The following HS3ST3A1 variants were observed in gnomAD, a reference collection of about 807,000 sequenced individuals.
The protein encoded by HS3ST3A1 is heparan sulfate-glucosamine 3-sulfotransferase 3A1.
A neutral mutation model predicts 25.7 loss-of-function variants in HS3ST3A1; 19 were observed. The observed-to-expected ratio is 0.74, with a 90% CI of 0.52 to 1.08. The LOEUF (loss-of-function observed/expected upper bound fraction) is 1.08, where lower values mean the gene tolerates loss of function less well. Among genes scored for constraint, HS3ST3A1 ranks in the 50% least tolerant of loss-of-function variants. HS3ST3A1 has a pLI of 0.00. For synonymous variants in HS3ST3A1, 226 were observed against 278.6 expected (o/e 0.81, Z 1.88); for missense variants, 459 against 594.3 (o/e 0.77, Z 2.37).
chr17:13,537,454 T>C (rs926665023), intron 1 of HS3ST3A1, among the ~76,000 whole-genome samples: 1 of 152,176 alleles, frequency 6.6e-6, no homozygotes, highest in South Asian at 2.1e-4. Flanking sequence ...GGGGGCCGCC[T>C]CCCTCTTGTC....
chr17:13,596,655 A>C (rs184399370), intron 1 of HS3ST3A1, among the ~76,000 whole-genome samples: 44 of 152,182 alleles, frequency 2.9e-4, no homozygotes, highest in African/African-American at 1.0e-3. Context: ...GCCCTCATCT[A>C]TTCCCAATGT....
intron 1 of HS3ST3A1, among the ~76,000 whole-genome samples, chr17:13,570,033 GC>G (rs1907762609): frequency 6.6e-6 from 1 of 152,200 alleles, no homozygotes; most frequent in South Asian, 2.1e-4. Flanking sequence ...ATGGGAGTTA[GC>G]TGGTTAACAA....
At chr17:13,500,603 C>G (rs529096101) in intron 1 of HS3ST3A1, among the ~76,000 whole-genome samples, 122 of 152,232 alleles carry the variant, frequency 8.0e-4, no homozygotes, top group African/African-American at 2.3e-3. Context: ...TCTTTCCAAG[C>G]TAAGTAGTGT....
At chr17:13,524,522 A>G (rs1417149629) in intron 1 of HS3ST3A1, among the ~76,000 whole-genome samples, 3 of 152,262 alleles carry the variant, frequency 2.0e-5, no homozygotes, top group African/African-American at 7.2e-5. Context: ...TTGGGATTAC[A>G]GGTGTGCGCC....
At chr17:13,500,438 A>G (rs1444791285) in intron 1 of HS3ST3A1, among the ~76,000 whole-genome samples, 6 of 152,236 alleles carry the variant, frequency 3.9e-5, no homozygotes, top group Non-Finnish European at 8.8e-5. Context: ...CTATTACAGT[A>G]TTATAAAAGG....
At chr17:13,527,937 A>C (rs955250291) in intron 1 of HS3ST3A1, among the ~76,000 whole-genome samples, 5 of 152,182 alleles carry the variant, frequency 3.3e-5, no homozygotes, top group Non-Finnish European at 5.9e-5. Flanking sequence ...TGCAGATATC[A>C]CGATATCACT....
At position 13,557,799 on chromosome 17, in the gene HS3ST3A1, A is replaced by C. The variant is rs781475035; in HGVS notation, c.599+42732T>G. ...GGTTGAGATCAGAGAATGAAGCTCC[A>C]CAATGTAGGTCATTGAATGTTTTGG... is the stretch of plus-strand genomic sequence containing the variant. On this transcript the variant is annotated intron_variant, in intron 1 of 1. Transcript: ENST00000284110. Among the ~76,000 whole-genome samples the C allele has an allele frequency of 7.8e-4, 118 of 152,240 alleles. 1 individual carries two copies. Among genetic ancestry groups the C allele is most frequent in the Non-Finnish European group, 1.4e-3 (94 of 68,038 alleles).
chr17:13,496,319 T>A lies in HS3ST3A1; in HGVS notation c.1099A>T (p.Thr367Ser), dbSNP rs1215865399. 7.1e-6 allele frequency: 11 copies of A among 1,559,580 alleles called. No individual in the cohort carries two copies. Among genetic ancestry groups the A allele is most frequent in the African/African-American group, 1.4e-5 (1 of 71,870 alleles). Residue 367 changes from threonine to serine, a missense_variant, in exon 2 of 2, where the codon ACC (threonine) becomes TCC (serine). Physicochemically the swap from Thr to Ser is moderately conservative, Grantham distance 58. Around this residue, in one of 3 missense-constraint regions of HS3ST3A1, gnomAD observed 46 missense variants for 59.0 expected, o/e 0.78. Transcript: ENST00000284110. ...ATCTCAGGATGGGTCCTGCCCTTGG[T>A]CTTGCCCAGGCAATGGGGCCGGCTG... ...GSSRPHCLGK[T>S]KGRTHPEIDR...
intron 1 of HS3ST3A1, among the ~76,000 whole-genome samples, chr17:13,595,997 C>G (rs1489174510): frequency 6.6e-6 from 1 of 152,134 alleles, no homozygotes; most frequent in East Asian, 1.9e-4. Flanking sequence ...ATGACCCTGC[C>G]AAAATACAGA....
At chr17:13,595,797 G>T (rs1355817352) in intron 1 of HS3ST3A1, among the ~76,000 whole-genome samples, 1 of 152,160 alleles carries the variant, frequency 6.6e-6, no homozygotes, top group Admixed American at 6.5e-5. Flanking sequence ...GATGGTGATT[G>T]CAATTTGCAA....
intron 1 of HS3ST3A1, among the ~76,000 whole-genome samples, chr17:13,503,129 C>G (rs1402550401): frequency 7.5e-6 from 1 of 133,410 alleles, no homozygotes; most frequent in Non-Finnish European, 1.5e-5. Context: ...GAGCTGAGAT[C>G]AGGCCACTGC....
chr17:13,580,821 G>A (rs866439974), intron 1 of HS3ST3A1, among the ~76,000 whole-genome samples: 1 of 152,076 alleles, frequency 6.6e-6, no homozygotes, highest in Non-Finnish European at 1.5e-5. Flanking sequence ...AACCCAGGAG[G>A]CGGAGGTTGT....
intron 1 of HS3ST3A1, among the ~76,000 whole-genome samples, chr17:13,558,583 C>A (rs1014366009): frequency 6.6e-6 from 1 of 152,180 alleles, no homozygotes; most frequent in Non-Finnish European, 1.5e-5. Flanking sequence ...CTGACACAGG[C>A]ACATCTGCCT....
chr17:13,583,616 A>G (rs905862642), intron 1 of HS3ST3A1, among the ~76,000 whole-genome samples: 2 of 152,170 alleles, frequency 1.3e-5, no homozygotes, highest in Non-Finnish European at 2.9e-5. Context: ...TTTTTTTATC[A>G]AACTGGAAAA....
intron 1 of HS3ST3A1, among the ~76,000 whole-genome samples, chr17:13,559,928 T>G (rs1907482441): frequency 6.6e-6 from 1 of 152,076 alleles, no homozygotes; most frequent in Non-Finnish European, 1.5e-5. Flanking sequence ...TCTTGTTTTC[T>G]TAACAATTCT....
At chr17:13,559,718 G>A (rs889379494) in intron 1 of HS3ST3A1, among the ~76,000 whole-genome samples, 2 of 151,810 alleles carry the variant, frequency 1.3e-5, no homozygotes, top group Non-Finnish European at 2.9e-5. Context: ...CAAATTCAGT[G>A]AACAGCACTT....
At chr17:13,579,676 G>A (rs1908048055) in intron 1 of HS3ST3A1, among the ~76,000 whole-genome samples, 1 of 144,600 alleles carries the variant, frequency 6.9e-6, no homozygotes, top group African/African-American at 2.6e-5. Context: ...ATTCCAGCCT[G>A]GGTGACAGAG....
At position 13,572,646 on chromosome 17, in the gene HS3ST3A1, A is replaced by G. The variant is rs539128659; in HGVS notation, c.599+27885T>C. Among the ~76,000 whole-genome samples the G allele has an allele frequency of 2.2e-4, 34 of 152,322 alleles. No individual in the cohort carries two copies. The South Asian group carries it at 6.8e-3, about 31-fold the overall frequency. On this transcript the variant is annotated intron_variant, in intron 1 of 1. Transcript: ENST00000284110. ...GCTGGGCTCCCTAGAGGAGAGGTCC[A>G]GGCTGTGTTTTAATTTGTTAAGGTC...
chr17:13,502,517 C>T (rs780932751), intron 1 of HS3ST3A1, among the ~76,000 whole-genome samples: 10 of 152,160 alleles, frequency 6.6e-5, no homozygotes, highest in Non-Finnish European at 1.5e-4. Flanking sequence ...ATGTGCCTCA[C>T]TCTTCTTATC....
Sources: allele counts gnomAD v4.1 joint callset (sites outside exome capture counted in the v4.1 genomes callset), GRCh38; gene constraint gnomAD v4.1.1; regional missense constraint gnomAD v4.1.1; transcripts MANE v1.5; gene names NCBI Gene and HGNC (gene_info 2026-07-23, HGNC 2026-07-21).